The following ASH1L variants were observed in gnomAD, a reference collection of about 807,000 sequenced individuals.
The protein encoded by ASH1L is histone-lysine N-methyltransferase ASH1L.
In ASH1L, 23 loss-of-function variants were observed where a neutral mutation model predicts 269.0. The observed-to-expected ratio is 0.09, with a 90% CI of 0.06 to 0.12. ASH1L has a LOEUF of 0.12. ASH1L is among the 10% of genes least tolerant of loss of function. ASH1L has a pLI of 1.00. For missense variants in ASH1L, 2,912 were observed against 3,567.8 expected (o/e 0.82, Z 4.68); for synonymous variants, 1,187 against 1,253.5 (o/e 0.95, Z 1.12).
Position 155,480,530 on chromosome 1 carries a change from T to C in ASH1L, c.2340A>G (p.Pro780=), listed in dbSNP as rs1460157638. 13 of 1,614,010 alleles carry C rather than the reference T, an allele frequency of 8.1e-6. No homozygotes were observed. The highest frequency in any genetic ancestry group is 1.1e-5 in the Non-Finnish European group (13 of 1,179,986). ...ATGGAGCTGTGGATTTGCTCAACTT[T>C]GGCAATCGGCGTTTAAGGAAGTCAT... The part of the protein sequence containing the change: ...VDHDFLKRRL[P]KLSKSTAPSL... Residue 780 remains proline, a synonymous_variant, in exon 3 of 28, where the codon CCA becomes CCG. Coordinates refer to ENST00000392403, the MANE Select transcript of ASH1L (RefSeq NM_018489.3).
At position 155,415,940 on chromosome 1, in the gene ASH1L, A is replaced by G. The variant is rs1660170326; in HGVS notation, c.5829-17T>C. On this transcript the variant is annotated splice_polypyrimidine_tract_variant and intron_variant, in intron 5 of 27. Coordinates refer to ENST00000392403, the MANE Select transcript of ASH1L (RefSeq NM_018489.3). ...TCATTAAAGCTAGAAAGAGAAGTTT[A>G]AAGATAATTTTATTATGAAAAAAAA... 1.3e-6 allele frequency: 2 copies of G among 1,486,914 alleles called. No homozygotes were observed. Among genetic ancestry groups the G allele is most frequent in the African/African-American group, 1.4e-5 (1 of 69,570 alleles). 92.1% of individuals were successfully genotyped at this position (1,486,914 alleles called of 1,614,324 possible).
intron 7 of ASH1L, among the ~76,000 whole-genome samples, chr1:155,381,736 G>A (rs1656966356): frequency 6.6e-6 from 1 of 151,560 alleles, no homozygotes; most frequent in Non-Finnish European, 1.5e-5. Context: ...TTAGCTGGGT[G>A]TGGTGGCACA....
At chr1:155,351,890 T>TAAA (rs1357874778) in intron 17 of ASH1L, among the ~76,000 whole-genome samples, 1 of 151,312 alleles carries the variant, frequency 6.6e-6, no homozygotes, top group African/African-American at 2.4e-5. Context: ...AATAAATAAA[T>TAAA]TAATTACTAT....
chr1:155,503,423 A>G (rs1289564592), intron 2 of ASH1L, among the ~76,000 whole-genome samples: 1 of 152,192 alleles, frequency 6.6e-6, no homozygotes, highest in Non-Finnish European at 1.5e-5. Flanking sequence ...ATGTTTTCCA[A>G]AAATAAAAGT....
chr1:155,441,072 G>C (rs934267722), intron 4 of ASH1L, among the ~76,000 whole-genome samples: 13 of 152,152 alleles, frequency 8.5e-5, no homozygotes, highest in African/African-American at 2.4e-4. Context: ...TTCTACTACA[G>C]CCATCAAGAC....
At chr1:155,354,747 G>C (rs1290309932) in intron 15 of ASH1L, 117 bp from the exon 16 acceptor site, 4 of 912,748 alleles carry the variant, frequency 4.4e-6, no homozygotes, top group Non-Finnish European at 6.4e-6. Context: ...GTTGTAAAGA[G>C]AATTATATGG....
At chr1:155,456,457 G>T (rs1232451742) in intron 4 of ASH1L, among the ~76,000 whole-genome samples, 1 of 151,990 alleles carries the variant, frequency 6.6e-6, no homozygotes, top group African/African-American at 2.4e-5. Context: ...CTGAAGTCTT[G>T]TTTAGGCTTC....
intron 7 of ASH1L, among the ~76,000 whole-genome samples, chr1:155,381,431 T>A (rs1297332085): frequency 2.0e-5 from 3 of 151,950 alleles, no homozygotes; most frequent in African/African-American, 7.3e-5. Context: ...GCGCCTGTAA[T>A]CCCAGCTACT....
intron 2 of ASH1L, among the ~76,000 whole-genome samples, chr1:155,512,084 T>C (rs1668197628): frequency 6.6e-6 from 1 of 152,106 alleles, no homozygotes; most frequent in Admixed American, 6.6e-5. Context: ...AGTGCTGGGA[T>C]TACAGGTGTG....
chr1:155,443,914 T>A (rs1662790196), intron 4 of ASH1L, among the ~76,000 whole-genome samples: 2 of 151,658 alleles, frequency 1.3e-5, no homozygotes, highest in South Asian at 4.1e-4. Context: ...TGTGTGCACA[T>A]GACATTTTGT....
chr1:155,383,726 C>T lies in ASH1L; in HGVS notation c.6104-3610G>A, dbSNP rs78581222. Among the ~76,000 whole-genome samples the T allele has an allele frequency of 8.5e-3, 1,300 of 152,216 alleles. 22 individuals carry two copies. The highest frequency in any genetic ancestry group is 0.03 in the African/African-American group (1,239 of 41,538). ...ATACAAAAGAACAGGTATTATACAACCCCACTTTCAAAGAAATAGACAGTG... is the reference window on the plus strand; with the variant it reads ...ATACAAAAGAACAGGTATTATACAATCCCACTTTCAAAGAAATAGACAGTG... On this transcript the variant is annotated intron_variant, in intron 7 of 27. Transcript: ENST00000392403.
chr1:155,371,695 T>G, intron 10 of ASH1L, among the ~76,000 whole-genome samples: 1 of 135,922 alleles, frequency 7.4e-6, no homozygotes, highest in Non-Finnish European at 1.6e-5. Flanking sequence ...CCTAATTTAC[T>G]TTTTTTTTTT....
At chr1:155,516,637 A>AT (rs113436433) in intron 2 of ASH1L, among the ~76,000 whole-genome samples, 2 of 151,496 alleles carry the variant, frequency 1.3e-5, no homozygotes, top group Admixed American at 6.6e-5. Context: ...TACAAAAATA[A>AT]TTTTTTTTTA....
chr1:155,513,401 T>A (rs1571029470), intron 2 of ASH1L, among the ~76,000 whole-genome samples: 1 of 151,732 alleles, frequency 6.6e-6, no homozygotes, highest in Admixed American at 6.6e-5. Flanking sequence ...GAAACCCCCA[T>A]GTCTACTAAA....
chr1:155,346,194 C>T, intron 21 of ASH1L, 189 bp downstream of exon 21: 1 of 1,507,414 alleles, frequency 6.6e-7, no homozygotes, highest in Non-Finnish European at 8.9e-7. Context: ...TTTATTTTCC[C>T]TTTGGTCATA....
intron 2 of ASH1L, among the ~76,000 whole-genome samples, chr1:155,497,627 G>A (rs957513869): frequency 6.6e-6 from 1 of 152,138 alleles, no homozygotes; most frequent in South Asian, 2.1e-4. Context: ...TTACGTTCTG[G>A]GGGAGTCAAA....
chr1:155,428,678 G>A (rs1420564600), intron 5 of ASH1L, among the ~76,000 whole-genome samples: 5 of 152,106 alleles, frequency 3.3e-5, no homozygotes, highest in African/African-American at 9.7e-5. Flanking sequence ...TAGCATGAGC[G>A]ATCTGTGCCT....
At chr1:155,520,549 T>C (rs1358448579) in intron 2 of ASH1L, among the ~76,000 whole-genome samples, 4 of 151,932 alleles carry the variant, frequency 2.6e-5, no homozygotes, top group African/African-American at 9.7e-5. Context: ...TCCCAGCACT[T>C]TGGAGTTTTG....
intron 2 of ASH1L, among the ~76,000 whole-genome samples, chr1:155,491,152 A>G (rs575355337): frequency 6.6e-6 from 1 of 152,018 alleles, no homozygotes; most frequent in African/African-American, 2.4e-5. Flanking sequence ...TAAATTGTGG[A>G]GGTCATTTCT....
Sources: gnomAD v4.1 joint callset for allele counts (sites outside exome capture counted in the v4.1 genomes callset) on GRCh38, gnomAD v4.1.1 for gene constraint, MANE v1.5 for transcripts, NCBI Gene and HGNC (gene_info 2026-07-23, HGNC 2026-07-21) for gene names.